Variants in RAP1GAP2 observed in about 807,000 individuals in gnomAD.
The protein encoded by RAP1GAP2 is RAP1 GTPase activating protein 2.
In RAP1GAP2, 27 loss-of-function variants were observed where a neutral mutation model predicts 95.0. The observed-to-expected ratio is 0.28, with a 90% CI of 0.21 to 0.39. The LOEUF is 0.39. Ranked by LOEUF, RAP1GAP2 falls within the 10% of genes least tolerant of loss-of-function variation. RAP1GAP2 has a pLI of 1.00. For missense variants in RAP1GAP2, 771 were observed against 970.0 expected, an observed-to-expected ratio of 0.79 and a Z score of 2.72; for synonymous variants, 373 against 380.9, an observed-to-expected ratio of 0.98 and a Z score of 0.24.
At chr17:2,795,923 A>G (rs1054617161), upstream of RAP1GAP2, among the ~76,000 whole-genome samples, 96 of 152,146 alleles carry the variant, frequency 6.3e-4, no homozygotes, top group African/African-American at 2.2e-3. Context: ...GTGTGTGTCC[A>G]TGTGTGCATC....
In RAP1GAP2 at chr17:3,008,889, A is replaced by G. The variant is rs2046419165; in HGVS notation, c.1494+744A>G. Among the ~76,000 whole-genome samples, 1 of 152,094 alleles carries G rather than the reference A, an allele frequency of 6.6e-6. No individual in the cohort carries two copies. Among genetic ancestry groups the G allele is most frequent in the Admixed American group, 6.6e-5 (1 of 15,260 alleles). On this transcript the variant is annotated intron_variant, in intron 17 of 24. Coordinates refer to ENST00000254695, the MANE Select transcript of RAP1GAP2 (RefSeq NM_015085.5). This position sits in a 1 kb window ranked among gnomAD's most constrained non-coding sequence, Gnocchi z 4.2. ...CGGGTCTTGTTATATTCACGAACAC[A>G]CGTGGGGACAGGATGAGAGACGCCA... is the stretch of plus-strand genomic sequence containing the variant.
chr17:2,796,304 C>A, upstream of RAP1GAP2: 1 of 563,586 alleles, frequency 1.8e-6, no homozygotes, highest in Non-Finnish European at 3.2e-6. This position sits in a 1 kb window ranked among gnomAD's most constrained non-coding sequence, Gnocchi z 4.7. Flanking sequence ...CCCTCCACAA[C>A]CTCCTCGGCC....
Position 2,867,321 on chromosome 17 carries a change from G to A in RAP1GAP2, c.81-37963G>A, listed in dbSNP as rs145612435. On this transcript the variant is annotated intron_variant, in intron 2 of 24. Transcript: ENST00000254695. This position sits in a 1 kb window ranked among gnomAD's most constrained non-coding sequence, Gnocchi z 4.5. ...GTTTAGGTAACTGGAAGGTTCAAGG[G>A]GGACGGATTCAGGCCTGGCTGGATC... Among the ~76,000 whole-genome samples, 1,384 of 152,276 alleles carry A rather than the reference G, an allele frequency of 9.1e-3. 12 individuals are homozygous for A. The highest frequency in any genetic ancestry group is 0.027 in the Middle Eastern group (8 of 294).
At chr17:2,981,099 C>T (rs2045340258) in intron 9 of RAP1GAP2, 96 bp from the exon 10 acceptor site, 2 of 1,183,076 alleles carry the variant, frequency 1.7e-6, no homozygotes, top group Admixed American at 4.1e-5. Flanking sequence ...ACCCATGTGC[C>T]TCGCCCTCCC....
chr17:2,812,108 C>G (rs11652691), intron 2 of RAP1GAP2, among the ~76,000 whole-genome samples: 1 of 152,092 alleles, frequency 6.6e-6, no homozygotes, highest in Non-Finnish European at 1.5e-5. Flanking sequence ...CAGAGTCAGC[C>G]GGACCCTCTG....
Position 3,004,342 on chromosome 17 carries a change from G to A in RAP1GAP2, c.1201-1027G>A, listed in dbSNP as rs1434730520. 1.3e-5 allele frequency among the ~76,000 whole-genome samples: 2 copies of A among 152,232 alleles called. No individual in the cohort carries two copies. The highest frequency in any genetic ancestry group is 1.5e-5 in the Non-Finnish European group (1 of 68,046). On this transcript the variant is annotated intron_variant, in intron 14 of 24. Transcript: ENST00000254695. The surrounding 1 kb of genome is among the most constrained non-coding windows in gnomAD (Gnocchi z 4.1). ...CGCTCCGTTTCCCCTCCGGACTCTG[G>A]CAGGGCCTTTCCTTGGCTCGGTGCC...
At chr17:3,016,361 A>T (rs1050417397) in intron 17 of RAP1GAP2, among the ~76,000 whole-genome samples, 5 of 152,222 alleles carry the variant, frequency 3.3e-5, no homozygotes, top group Admixed American at 3.3e-4. Flanking sequence ...CGTCCCATGG[A>T]GGAGGAGGAC....
intron 2 of RAP1GAP2, among the ~76,000 whole-genome samples, chr17:2,887,670 T>C (rs113095566): frequency 9.0e-5 from 13 of 144,272 alleles, no homozygotes; most frequent in African/African-American, 3.3e-4. Flanking sequence ...CCACCGCGCT[T>C]GGTTTTTTTG....
Position 3,032,235 on chromosome 17 carries a change from C to T in RAP1GAP2, c.2185-176C>T, listed in dbSNP as rs140775109. On this transcript the variant is annotated intron_variant, in intron 23 of 24. Transcript: ENST00000254695. ...GGGTCCCCCAGTCCCTTTCTGAGCT[C>T]GCCAGACTATCGAGAACTCCAGGTC... is the stretch of plus-strand genomic sequence containing the variant. Among the ~76,000 whole-genome samples, 645 of 151,822 alleles carry T rather than the reference C, an allele frequency of 4.2e-3. 5 individuals carry two copies. Among genetic ancestry groups the T allele is most frequent in the African/African-American group, 0.014 (589 of 41,378 alleles).
intron 2 of RAP1GAP2, among the ~76,000 whole-genome samples, chr17:2,899,530 A>T (rs2041955409): frequency 6.6e-6 from 1 of 150,522 alleles, no homozygotes; most frequent in African/African-American, 2.5e-5. Flanking sequence ...TATTTTTTTG[A>T]GGTGGAGTCT....
intron 2 of RAP1GAP2, among the ~76,000 whole-genome samples, chr17:2,845,738 G>A (rs1211389215): frequency 6.6e-6 from 1 of 151,962 alleles, no homozygotes; most frequent in African/African-American, 2.4e-5. Context: ...GTAGGCGCCT[G>A]TAATCCCAGC....
In RAP1GAP2 at chr17:2,892,796, G is replaced by C. The variant is rs563625418; in HGVS notation, c.81-12488G>C. On this transcript the variant is annotated intron_variant, in intron 2 of 24. Transcript: ENST00000254695. Reference sequence around the variant, plus strand: ...TCTGTTGGTCAAGACTGAGTCACAGGGCCAGCCCAGATTCAAGAGGGGAGC... The same window carrying C: ...TCTGTTGGTCAAGACTGAGTCACAGCGCCAGCCCAGATTCAAGAGGGGAGC... Among the ~76,000 whole-genome samples, 12 of 152,228 alleles carry C rather than the reference G, an allele frequency of 7.9e-5. 1 individual carries two copies. The highest frequency in any genetic ancestry group is 3.3e-4 in the Admixed American group (5 of 15,274).
At chr17:2,896,316 A>G (rs1241529759) in intron 2 of RAP1GAP2, among the ~76,000 whole-genome samples, 2 of 152,298 alleles carry the variant, frequency 1.3e-5, no homozygotes, top group Middle Eastern at 3.4e-3. Context: ...TTGGTCCCCA[A>G]GAACTCAAAA....
chr17:2,794,090 A>C (rs1255017271), upstream of RAP1GAP2, among the ~76,000 whole-genome samples: 1 of 80,626 alleles, frequency 1.2e-5, no homozygotes, highest in East Asian at 2.8e-4. Context: ...GAGACTCTTC[A>C]AAAAAAAAAA....
At chr17:2,787,456 A>T (rs550007362) in intron 1 of RAP1GAP2, among the ~76,000 whole-genome samples, 1 of 151,672 alleles carries the variant, frequency 6.6e-6, no homozygotes, top group Non-Finnish European at 1.5e-5. Flanking sequence ...GGGTCTTACT[A>T]TGTTGCTGGG....
chr17:2,819,737 G>T (rs2070199071), intron 2 of RAP1GAP2, among the ~76,000 whole-genome samples: 1 of 151,818 alleles, frequency 6.6e-6, no homozygotes, highest in Non-Finnish European at 1.5e-5. Flanking sequence ...CAAAGTGCTG[G>T]GATTACAGGC....
chr17:2,909,843 TG>T (rs772701289), intron 3 of RAP1GAP2, among the ~76,000 whole-genome samples: 1 of 152,028 alleles, frequency 6.6e-6, no homozygotes, highest in Non-Finnish European at 1.5e-5. Context: ...TCAGACTGGG[TG>T]GGGGTCCTTC....
Position 2,963,172 on chromosome 17 carries a change from G to C in RAP1GAP2, c.247-258G>C. The C allele has an allele frequency of 1.8e-6, 1 of 569,110 alleles. No individual in the cohort carries two copies. The highest frequency in any genetic ancestry group is 3.1e-6 in the Non-Finnish European group (1 of 320,326). The allele number at this position is 569,110 out of a possible 1,614,324, so 35.3% of individuals were successfully genotyped here. A position where few individuals can be genotyped will look rare whatever the true frequency, so the allele number is the denominator to read the frequency against. ...ATGAGCGTTCTAGGATGAGAAGCTG[G>C]TATCACGAGGGGTGAGAAGTTCAGC... is the stretch of plus-strand genomic sequence containing the variant. On this transcript the variant is annotated intron_variant, in intron 5 of 24. Transcript: ENST00000254695. The surrounding 1 kb of genome is among the most constrained non-coding windows in gnomAD (Gnocchi z 4.8).
chr17:2,922,045 C>T (rs898457329), intron 3 of RAP1GAP2, among the ~76,000 whole-genome samples: 2 of 152,352 alleles, frequency 1.3e-5, no homozygotes, highest in East Asian at 3.9e-4. Context: ...CCAACTGTTA[C>T]AACAAAATAC....
Sources: gnomAD v4.1 joint callset for allele counts (sites outside exome capture counted in the v4.1 genomes callset) on GRCh38, gnomAD v4.1.1 for gene constraint, Gnocchi (gnomAD v3.1) non-coding constraint, MANE v1.5 for transcripts, NCBI Gene and HGNC (gene_info 2026-07-23, HGNC 2026-07-21) for gene names.